SPEF2: variants seen among roughly 807,000 people sequenced by gnomAD.
The protein encoded by SPEF2 is sperm flagella and cilia-associated protein 2.
A neutral mutation model predicts 224.6 loss-of-function variants in SPEF2; 187 were observed. The ratio of observed to expected loss-of-function variants is 0.83; its 90% CI spans 0.74 to 0.94. The LOEUF is 0.94. Ranked by LOEUF, SPEF2 falls within the 40% of genes least tolerant of loss-of-function variation. The probability of loss-of-function intolerance (pLI) is 0.00; values close to 1 mark genes in which losing one functional copy is unlikely to be tolerated. For missense variants in SPEF2, 2,170 were observed against 2,135.6 expected, an observed-to-expected ratio of 1.02 and a Z score of -0.32; for synonymous variants, 715 against 707.3, an observed-to-expected ratio of 1.01 and a Z score of -0.17.
At chr5:35,774,787 T>C (rs1040617514) in intron 28 of SPEF2, among the ~76,000 whole-genome samples, 1 of 152,138 alleles carries the variant, frequency 6.6e-6, no homozygotes, top group African/African-American at 2.4e-5. Flanking sequence ...CCCTTGTTTC[T>C]CTCATTTTCT....
At chr5:35,718,734 AC>A (rs534120540) in intron 20 of SPEF2, among the ~76,000 whole-genome samples, 32 of 152,282 alleles carry the variant, frequency 2.1e-4, no homozygotes, top group Non-Finnish European at 3.8e-4. Flanking sequence ...TATCCATGAA[AC>A]AGGAAGCTTG....
intron 26 of SPEF2, among the ~76,000 whole-genome samples, chr5:35,766,136 A>T (rs953074914): frequency 6.6e-6 from 1 of 152,108 alleles, no homozygotes; most frequent in Non-Finnish European, 1.5e-5. Context: ...CATCCAGATA[A>T]TACTAGCTTA....
At position 35,666,246 on chromosome 5, in the gene SPEF2, C is replaced by T. The variant is rs562523744; in HGVS notation, c.1168-826C>T. ...GTCTTTTTCCTAGAGCAGGCTAGCA[C>T]GTAACTGAATTTCTCAAGAAGCTGG... On this transcript the variant is annotated intron_variant, in intron 8 of 36. Transcript: ENST00000356031. Among the ~76,000 whole-genome samples the T allele has an allele frequency of 3.3e-5, 5 of 152,210 alleles. No homozygotes were observed. The South Asian group carries it at 8.3e-4, about 25-fold the overall frequency.
intron 20 of SPEF2, among the ~76,000 whole-genome samples, chr5:35,716,489 C>G (rs1286560045): frequency 6.6e-6 from 1 of 152,050 alleles, no homozygotes; most frequent in East Asian, 1.9e-4. Flanking sequence ...CTAAGAGCAT[C>G]CTTAATAAAA....
intron 21 of SPEF2, among the ~76,000 whole-genome samples, chr5:35,732,466 G>A (rs541890654): frequency 6.6e-6 from 1 of 152,120 alleles, no homozygotes; most frequent in Non-Finnish European, 1.5e-5. Context: ...GTCAGGAAAG[G>A]GTGTTGAAAT....
intron 1 of SPEF2, among the ~76,000 whole-genome samples, chr5:35,618,346 T>G (rs140477545): frequency 6.6e-6 from 1 of 152,290 alleles, no homozygotes; most frequent in African/African-American, 2.4e-5. Context: ...GCATTCTGAC[T>G]TTGTGATGTG....
intron 24 of SPEF2, 44 bp downstream of exon 24, chr5:35,753,805 G>A (rs764869563): frequency 1.2e-6 from 2 of 1,611,538 alleles, no homozygotes; most frequent in Non-Finnish European, 1.7e-6. Flanking sequence ...TCCCTTCACA[G>A]CCTCATTCCT....
rs1750860317 is a variant in SPEF2 at position 35,668,766 on chromosome 5, C to T, written c.1356-1293C>T. ...GTGAACAGAATTTTACAGTAAAGGT[C>T]AGATAGCTAAGGTTTTTTTCTTCTA... On this transcript the variant is annotated intron_variant, in intron 9 of 36. Coordinates refer to ENST00000356031, the MANE Select transcript of SPEF2 (RefSeq NM_024867.4). 2.6e-5 allele frequency among the ~76,000 whole-genome samples: 4 copies of T among 152,120 alleles called. 1 individual carries two copies. Among genetic ancestry groups the T allele is most frequent in the Admixed American group, 6.6e-5 (1 of 15,266 alleles).
At chr5:35,688,993 T>C (rs1406425730) in intron 10 of SPEF2, among the ~76,000 whole-genome samples, 1 of 152,204 alleles carries the variant, frequency 6.6e-6, no homozygotes, top group East Asian at 1.9e-4. Context: ...ATCTTTGATA[T>C]ATTTTCTGTA....
intron 2 of SPEF2, among the ~76,000 whole-genome samples, chr5:35,631,608 A>G (rs1363954841): frequency 1.3e-5 from 2 of 152,224 alleles, no homozygotes; most frequent in Admixed American, 6.5e-5. Flanking sequence ...CTACTTCTAG[A>G]TATATACCCA....
At chr5:35,679,128 C>T (rs961727004) in intron 10 of SPEF2, among the ~76,000 whole-genome samples, 7 of 152,148 alleles carry the variant, frequency 4.6e-5, no homozygotes, top group African/African-American at 1.4e-4. Flanking sequence ...TACCCAGGAA[C>T]AGTAACTGGA....
rs561197638 is a variant in SPEF2, at chr5:35,676,415, T to A, written c.1524+6188T>A. On this transcript the variant is annotated intron_variant, in intron 10 of 36. Transcript: ENST00000356031. ...GGAATTACCAGCTAGGATTTTAGAG[T>A]TGGCTATAAAGTTTTAAATTTTAAA... 2.0e-5 allele frequency among the ~76,000 whole-genome samples: 3 copies of A among 152,206 alleles called. No individual in the cohort carries two copies. In the South Asian group the frequency reaches 6.2e-4, roughly 32 times the overall value.
At chr5:35,734,837 A>G (rs775477035) in intron 21 of SPEF2, among the ~76,000 whole-genome samples, 59 of 149,464 alleles carry the variant, frequency 3.9e-4, no homozygotes, top group Non-Finnish European at 3.5e-4. Flanking sequence ...TCAGCCTCCC[A>G]AGTAGCTGAG....
intron 25 of SPEF2, 133 bp downstream of exon 25, chr5:35,759,852 A>G: frequency 1.2e-6 from 1 of 855,550 alleles, no homozygotes; most frequent in Non-Finnish European, 1.6e-6. Flanking sequence ...TAATAACCAA[A>G]CATGTTTTTT....
At chr5:35,798,902 C>G (rs1048917856) in intron 33 of SPEF2, among the ~76,000 whole-genome samples, 2 of 152,178 alleles carry the variant, frequency 1.3e-5, no homozygotes, top group Non-Finnish European at 2.9e-5. Flanking sequence ...TGGCCTCTCT[C>G]ATTTCTTTGA....
intron 29 of SPEF2, among the ~76,000 whole-genome samples, chr5:35,777,664 C>T (rs1580698460): frequency 6.9e-6 from 1 of 143,984 alleles, no homozygotes; most frequent in African/African-American, 2.6e-5. Context: ...AAATGTGATA[C>T]AAATAAATAA....
intron 10 of SPEF2, among the ~76,000 whole-genome samples, chr5:35,679,278 C>A (rs184481768): frequency 2.6e-5 from 4 of 152,280 alleles, no homozygotes; most frequent in East Asian, 1.9e-4. Context: ...ATTCTTAGAA[C>A]TGGAACCAAG....
Position 35,759,028 on chromosome 5 carries a change from G to A in SPEF2, c.3469-540G>A, listed in dbSNP as rs1184471584. 3.3e-3 allele frequency among the ~76,000 whole-genome samples: 221 copies of A among 66,112 alleles called. 1 individual carries two copies. Among genetic ancestry groups the A allele is most frequent in the Middle Eastern group, 0.013 (1 of 80 alleles). The allele number at this position is 66,112 out of a possible 152,430, so 43.4% of individuals were successfully genotyped here. On this transcript the variant is annotated intron_variant, in intron 24 of 36. Transcript: ENST00000356031. ...CTCAAAAAAAAAAAAAAAAAAAAAA[G>A]TAAAGGAAAGAAAGAAAAAAAAAAC...
intron 20 of SPEF2, among the ~76,000 whole-genome samples, chr5:35,723,623 G>A (rs1024735102): frequency 9.9e-5 from 15 of 152,120 alleles, no homozygotes; most frequent in African/African-American, 2.9e-4. Flanking sequence ...TAATAATGCT[G>A]TTGAAATAGA....
Sources: allele counts gnomAD v4.1 joint callset (sites outside exome capture counted in the v4.1 genomes callset), GRCh38; gene constraint gnomAD v4.1.1; transcripts MANE v1.5; gene names NCBI Gene and HGNC (gene_info 2026-07-23, HGNC 2026-07-21).